DNAH7: variants seen among roughly 807,000 people sequenced by gnomAD.
DNAH7 encodes the protein dynein axonemal heavy chain 7, also known as axonemal beta dynein heavy chain 7.
DNAH7 carries 397 observed loss-of-function variants against 444.6 expected under a neutral mutation model. The observed-to-expected ratio is 0.89, with a 90% CI of 0.82 to 0.97. The LOEUF is 0.97. Ranked by LOEUF, DNAH7 falls within the 50% of genes least tolerant of loss-of-function variation. DNAH7 has a pLI of 0.00. For synonymous variants in DNAH7, 1,636 were observed against 1,624.4 expected, an observed-to-expected ratio of 1.01 and a Z score of -0.17; for missense variants, 4,902 against 4,800.8, an observed-to-expected ratio of 1.02 and a Z score of -0.62.
intron 2 of DNAH7, among the ~76,000 whole-genome samples, chr2:196,051,563 C>T (rs192155573): frequency 3.3e-3 from 508 of 152,138 alleles, no homozygotes; most frequent in African/African-American, 0.011. Flanking sequence ...GTCAGGAGAT[C>T]GAGACCATCC....
chr2:195,960,306 T>C lies in DNAH7; in HGVS notation c.2845A>G (p.Thr949Ala). 1 of 1,613,684 alleles carries C rather than the reference T, an allele frequency of 6.2e-7. No individual in the cohort carries two copies. The highest frequency in any genetic ancestry group is 8.5e-7 in the Non-Finnish European group (1 of 1,179,946). ...TTAATGAAAGGAGATCCTCGCATAGTTTGTGTTTTAATAATATGGTCATCC... is the reference window on the plus strand; with the variant it reads ...TTAATGAAAGGAGATCCTCGCATAGCTTGTGTTTTAATAATATGGTCATCC... ...LLDDHIIKTQ[T>A]MRGSPFIKPY... Residue 949 changes from threonine to alanine, a missense_variant, in exon 18 of 65, where the codon ACT (threonine) becomes GCT (alanine). Thr to Ala is a moderately conservative substitution (Grantham distance 58, BLOSUM62 0). Transcript: ENST00000312428.
chr2:195,852,750 G>T (rs566418094), intron 46 of DNAH7, among the ~76,000 whole-genome samples: 1 of 152,144 alleles, frequency 6.6e-6, no homozygotes, highest in Non-Finnish European at 1.5e-5. Flanking sequence ...GGCAGGGAAC[G>T]TGGGGTTTGT....
chr2:196,028,669 A>G (rs1388172524), intron 5 of DNAH7, among the ~76,000 whole-genome samples: 1 of 152,200 alleles, frequency 6.6e-6, no homozygotes, highest in African/African-American at 2.4e-5. Context: ...CTGGGCAGAA[A>G]GGCATAGTTC....
intron 12 of DNAH7, 147 bp from the exon 13 acceptor site, chr2:195,988,376 A>G (rs956951086): frequency 1.4e-6 from 1 of 697,556 alleles, no homozygotes; most frequent in African/African-American, 1.9e-5. Context: ...CTATAGAAAG[A>G]TATTAGACTA....
chr2:195,888,548 A>G lies in DNAH7; in HGVS notation c.5230-114T>C, dbSNP rs958273941. 5.4e-6 allele frequency: 6 copies of G among 1,118,888 alleles called. No individual in the cohort carries two copies. The East Asian group carries it at 1.6e-4, about 30-fold the overall frequency. 69.3% of individuals were successfully genotyped at this position (1,118,888 alleles called of 1,614,324 possible). On this transcript the variant is annotated intron_variant, in intron 32 of 64. Coordinates refer to ENST00000312428, the MANE Select transcript of DNAH7 (RefSeq NM_018897.3). The stretch of plus-strand genomic sequence containing the variant: ...AAAGTCTTGGGCGGGGGGAAGCTTA[A>G]TATTATATAATTTCATGATGTCGAT...
Position 195,918,835 on chromosome 2 carries a change from G to A in DNAH7, c.3935+3253C>T, listed in dbSNP as rs191291928. On this transcript the variant is annotated intron_variant, in intron 24 of 64. Transcript: ENST00000312428. ...AGTGGATATATGACATTATGCATTT[G>A]TCAAAACCCACAGAACTCTACAACG... Among the ~76,000 whole-genome samples, 183 of 152,256 alleles carry A rather than the reference G, an allele frequency of 1.2e-3. 1 individual carries two copies. Among genetic ancestry groups the A allele is most frequent in the African/African-American group, 4.4e-3 (181 of 41,548 alleles).
chr2:195,918,298 C>T (rs1313954745), intron 24 of DNAH7, among the ~76,000 whole-genome samples: 1 of 152,232 alleles, frequency 6.6e-6, no homozygotes, highest in Admixed American at 6.5e-5. Context: ...GATAGGAACT[C>T]TCATTCACTG....
Position 195,808,779 on chromosome 2 carries a change from T to C in DNAH7, c.9986A>G (p.Asp3329Gly). 1 of 1,614,052 alleles carries C rather than the reference T, an allele frequency of 6.2e-7. No homozygotes were observed. Among genetic ancestry groups the C allele is most frequent in the African/African-American group, 1.3e-5 (1 of 75,050 alleles). ...LCTWLPQKSW[D>G]EICRLDDLPA... The stretch of plus-strand genomic sequence containing the variant: ...CAAATCATCTAATCGACATATTTCA[T>C]CCCAGGATTTCTGAGGAAGCCATGT... The change falls in exon 53 of 65, where the codon GAT becomes GGT. Residue 3329 changes from aspartate (D) to glycine (G), a missense_variant. By Grantham distance (94) the Asp-to-Gly change is moderately conservative. Coordinates refer to ENST00000312428, the MANE Select transcript of DNAH7 (RefSeq NM_018897.3).
At position 195,923,637 on chromosome 2, in the gene DNAH7, G is replaced by C; in HGVS notation, c.3783C>G (p.Asp1261Glu). Residue 1261 changes from aspartate (D) to glutamate (E), a missense_variant, in exon 23 of 65, where the codon GAC becomes GAG. Coordinates refer to ENST00000312428, the MANE Select transcript of DNAH7 (RefSeq NM_018897.3). ...GCTGACTTAACCATTCAAAGTCAGAGTCATCGCTAATATTTTTTTTTACAA... is the reference window on the plus strand; with the variant it reads ...GCTGACTTAACCATTCAAAGTCAGACTCATCGCTAATATTTTTTTTTACAA... The part of the protein sequence containing the change: ...SSLVKKNISD[D>E]SDFEWLSQLR... 6.2e-7 allele frequency: 1 copy of C among 1,614,130 alleles called. No individual in the cohort carries two copies.
At position 195,884,825 on chromosome 2, in the gene DNAH7, G is replaced by A. The variant is rs183157502; in HGVS notation, c.5539-16C>T. 1.4e-4 allele frequency: 217 copies of A among 1,587,244 alleles called. No individual in the cohort carries two copies. The African/African-American group carries it at 2.7e-3, about 20-fold the overall frequency. ...GAAAAATGCCCTGCATTGGACAGAT[G>A]AGAAGATTAAGAACAATTAAAGAAT... On this transcript the variant is annotated splice_polypyrimidine_tract_variant and intron_variant, in intron 34 of 64. Coordinates refer to ENST00000312428, the MANE Select transcript of DNAH7 (RefSeq NM_018897.3).
chr2:195,875,193 G>A (rs1700977496), intron 38 of DNAH7, among the ~76,000 whole-genome samples: 1 of 152,140 alleles, frequency 6.6e-6, no homozygotes, highest in Non-Finnish European at 1.5e-5. Flanking sequence ...TTTAAATCCA[G>A]AGACTGACTT....
rs966429866 is a variant in DNAH7 at position 196,048,472 on chromosome 2, C to A, written c.142-68G>T. On this transcript the variant is annotated intron_variant, in intron 3 of 64. Coordinates refer to ENST00000312428, the MANE Select transcript of DNAH7 (RefSeq NM_018897.3). ...AAAAAACCTTTTTCCATGAAATGCA[C>A]GAGTGTTTATAAACACAGACATTTT... 4 of 1,303,516 alleles carry A rather than the reference C, an allele frequency of 3.1e-6. No individual in the cohort carries two copies. In the Admixed American group the frequency reaches 7.5e-5, roughly 25 times the overall value. 80.7% of individuals were successfully genotyped at this position (1,303,516 alleles called of 1,614,324 possible).
chr2:195,922,647 T>C (rs1335572777), intron 23 of DNAH7, among the ~76,000 whole-genome samples: 1 of 152,022 alleles, frequency 6.6e-6, no homozygotes, highest in African/African-American at 2.4e-5. Flanking sequence ...TCTCACTTCT[T>C]CTCTCCTCCC....
chr2:195,857,069 G>A (rs1313710954), intron 44 of DNAH7, among the ~76,000 whole-genome samples: 1 of 151,924 alleles, frequency 6.6e-6, no homozygotes, highest in Non-Finnish European at 1.5e-5. Context: ...TTTTTAAGAT[G>A]AATTAATAAA....
At chr2:195,983,110 T>C (rs1692683951) in intron 15 of DNAH7, among the ~76,000 whole-genome samples, 1 of 152,158 alleles carries the variant, frequency 6.6e-6, no homozygotes, top group Non-Finnish European at 1.5e-5. Flanking sequence ...ATGCACCTGC[T>C]ATGTACCCAT....
At chr2:195,842,913 C>G (rs1458746729) in intron 47 of DNAH7, among the ~76,000 whole-genome samples, 1 of 152,132 alleles carries the variant, frequency 6.6e-6, no homozygotes, top group Admixed American at 6.6e-5. Flanking sequence ...TCCTGCTAGG[C>G]AGAACCATGA....
At chr2:195,755,062 C>T (rs987492775) in intron 62 of DNAH7, among the ~76,000 whole-genome samples, 7 of 152,188 alleles carry the variant, frequency 4.6e-5, no homozygotes, top group Admixed American at 1.3e-4. Flanking sequence ...CTTTCAGAAA[C>T]GCTCCCTACA....
chr2:195,921,367 A>ACG lies in DNAH7; in HGVS notation c.3935+720_3935+721insCG, dbSNP rs1006932501. Among the ~76,000 whole-genome samples the ACG allele has an allele frequency of 2.6e-5, 4 of 151,094 alleles. No individual in the cohort carries two copies. In the East Asian group the frequency reaches 7.8e-4, roughly 29 times the overall value. ...AAATGTGGTGTACACACACACACAC[A>ACG]CACACACACACACACACACACACAC... is the stretch of plus-strand genomic sequence containing the variant. On this transcript the variant is annotated intron_variant, in intron 24 of 64. Coordinates refer to ENST00000312428, the MANE Select transcript of DNAH7 (RefSeq NM_018897.3).
chr2:195,866,399 C>T lies in DNAH7; in HGVS notation c.6634-1378G>A, dbSNP rs149378990. On this transcript the variant is annotated intron_variant, in intron 40 of 64. Coordinates refer to ENST00000312428, the MANE Select transcript of DNAH7 (RefSeq NM_018897.3). The stretch of plus-strand genomic sequence containing the variant: ...AAGCAAATGGTATTATTTAAACTTC[C>T]TTCTTATTCCAACCAGTTCAAAAGT... 1.2e-3 allele frequency among the ~76,000 whole-genome samples: 189 copies of T among 151,732 alleles called. 5 individuals are homozygous for T. The East Asian group carries it at 0.035, about 28-fold the overall frequency.
Sources: gnomAD v4.1 joint callset for allele counts (sites outside exome capture counted in the v4.1 genomes callset) on GRCh38, gnomAD v4.1.1 for gene constraint, MANE v1.5 for transcripts, NCBI Gene and HGNC (gene_info 2026-07-23, HGNC 2026-07-21) for gene names.